Variants in SLC10A7 observed in about 807,000 individuals in gnomAD.
SLC10A7 encodes sodium/bile acid cotransporter 7.
A neutral mutation model predicts 43.2 loss-of-function variants in SLC10A7; 29 were observed. The ratio of observed to expected loss-of-function variants is 0.67; its 90% CI spans 0.50 to 0.92. The LOEUF (loss-of-function observed/expected upper bound fraction) is 0.92. Among genes scored for constraint, SLC10A7 ranks in the 40% least tolerant of loss-of-function variants. SLC10A7 has a pLI of 0.00. For synonymous variants in SLC10A7, 152 were observed against 144.8 expected, an observed-to-expected ratio of 1.05 and a Z score of -0.35; for missense variants, 295 against 403.2, an observed-to-expected ratio of 0.73 and a Z score of 2.30.
chr4:146,512,595 T>G (rs1737583771), intron 2 of SLC10A7, among the ~76,000 whole-genome samples: 1 of 152,168 alleles, frequency 6.6e-6, no homozygotes, highest in Non-Finnish European at 1.5e-5. Context: ...TCCCCTACTT[T>G]ATCAATAGGT....
At chr4:146,410,684 C>T (rs1020180659) in intron 5 of SLC10A7, among the ~76,000 whole-genome samples, 2 of 152,084 alleles carry the variant, frequency 1.3e-5, no homozygotes, top group African/African-American at 4.8e-5. Context: ...ATTCTGAAGC[C>T]CTTTGTCCTA....
intron 4 of SLC10A7, among the ~76,000 whole-genome samples, chr4:146,503,289 G>A (rs1405040334): frequency 6.6e-6 from 1 of 152,116 alleles, no homozygotes; most frequent in Non-Finnish European, 1.5e-5. Context: ...TTTCAACCAA[G>A]GAAGAACCCC....
At chr4:146,520,987 C>G (rs1006007295) in intron 1 of SLC10A7, among the ~76,000 whole-genome samples, 1 of 152,124 alleles carries the variant, frequency 6.6e-6, no homozygotes, top group South Asian at 2.1e-4. Context: ...TACACATAGT[C>G]TAACAGTCTG....
chr4:146,256,537 CAT>C lies in SLC10A7; in HGVS notation c.994-19_994-18del. On this transcript the variant is annotated intron_variant, in intron 11 of 11. Transcript: ENST00000335472. Reference sequence around the variant, plus strand: ...CTTCACTCCCTACAAGGAAGGAAAACATGTTCAGAGTTGGACAGTATCCATGA... The same window carrying C: ...CTTCACTCCCTACAAGGAAGGAAAACGTTCAGAGTTGGACAGTATCCATGA... The C allele has an allele frequency of 6.2e-7, 1 of 1,613,944 alleles. No individual in the cohort carries two copies. Among genetic ancestry groups the C allele is most frequent in the Non-Finnish European group, 8.5e-7 (1 of 1,179,862 alleles).
At chr4:146,257,291 A>G (rs1402548704) in intron 11 of SLC10A7, among the ~76,000 whole-genome samples, 1 of 152,240 alleles carries the variant, frequency 6.6e-6, no homozygotes, top group Non-Finnish European at 1.5e-5. Flanking sequence ...CAGAGCCTGG[A>G]GTGGTACCCA....
chr4:146,279,661 G>A (rs1156977442), intron 10 of SLC10A7, among the ~76,000 whole-genome samples: 1 of 152,118 alleles, frequency 6.6e-6, no homozygotes. Context: ...CTGTAGTATT[G>A]TTTTAGATGA....
chr4:146,296,100 T>C (rs1020794554), intron 7 of SLC10A7, among the ~76,000 whole-genome samples: 1 of 152,162 alleles, frequency 6.6e-6, no homozygotes, highest in African/African-American at 2.4e-5. Flanking sequence ...CCTCTGTGAA[T>C]ACCAAATCCA....
chr4:146,473,303 G>A (rs930084637), intron 4 of SLC10A7, among the ~76,000 whole-genome samples: 1 of 152,076 alleles, frequency 6.6e-6, no homozygotes, highest in Non-Finnish European at 1.5e-5. Flanking sequence ...AAAAAAGGCT[G>A]ACCCACTGAC....
intron 5 of SLC10A7, among the ~76,000 whole-genome samples, chr4:146,379,069 C>T (rs1420684897): frequency 6.6e-6 from 1 of 152,208 alleles, no homozygotes; most frequent in Non-Finnish European, 1.5e-5. Flanking sequence ...AACTTCTGAC[C>T]TCAATGTCCA....
intron 4 of SLC10A7, among the ~76,000 whole-genome samples, chr4:146,443,376 G>C (rs990464706): frequency 2.6e-5 from 4 of 152,068 alleles, no homozygotes; most frequent in East Asian, 1.9e-4. Context: ...AGCAAGAAAA[G>C]CTCCAATTTG....
chr4:146,438,226 C>A (rs1370313867), intron 5 of SLC10A7, among the ~76,000 whole-genome samples: 1 of 151,912 alleles, frequency 6.6e-6, no homozygotes, highest in African/African-American at 2.4e-5. Context: ...TATAAACTGG[C>A]TAGTTTTTCA....
chr4:146,307,353 G>C (rs964855444), intron 6 of SLC10A7, among the ~76,000 whole-genome samples: 1 of 152,100 alleles, frequency 6.6e-6, no homozygotes, highest in African/African-American at 2.4e-5. Context: ...AAAATGAAGA[G>C]AGACAAACAG....
intron 9 of SLC10A7, among the ~76,000 whole-genome samples, chr4:146,290,479 G>T (rs1042243719): frequency 6.6e-6 from 1 of 152,130 alleles, no homozygotes; most frequent in Non-Finnish European, 1.5e-5. Context: ...AGGGCGGGGA[G>T]GGGGTGCAGA....
intron 6 of SLC10A7, among the ~76,000 whole-genome samples, chr4:146,325,507 GA>G (rs926183326): frequency 5.5e-4 from 83 of 152,264 alleles, no homozygotes; most frequent in African/African-American, 2.0e-3. Context: ...TTCTACAGAT[GA>G]AAAAAATTGA....
At chr4:146,294,232 G>T in intron 7 of SLC10A7, 137 bp from the exon 8 acceptor site, 1 of 588,166 alleles carries the variant, frequency 1.7e-6, no homozygotes, top group East Asian at 3.0e-5. Context: ...GGATTTCAAA[G>T]CTTCCCTGCC....
At position 146,361,488 on chromosome 4, in the gene SLC10A7, A is replaced by C. The variant is rs927409654; in HGVS notation, c.436-35492T>G. On this transcript the variant is annotated intron_variant, in intron 5 of 11. Transcript: ENST00000335472. ...ACAAGTCTGCCAGGGTCATTTATCT[A>C]GAAGGCTGCAACAGTTGCAGTATTG... 3.3e-5 allele frequency among the ~76,000 whole-genome samples: 5 copies of C among 152,278 alleles called. No individual in the cohort carries two copies. The East Asian group carries it at 9.6e-4, about 29-fold the overall frequency.
chr4:146,508,410 C>T (rs1737127447), intron 3 of SLC10A7, among the ~76,000 whole-genome samples: 1 of 152,120 alleles, frequency 6.6e-6, no homozygotes, highest in South Asian at 2.1e-4. Context: ...CATTTTTGCT[C>T]TAAAATGATG....
rs1004752669 is a variant in SLC10A7 at position 146,513,142 on chromosome 4, GA to G, written c.184-3094del. 4.3e-3 allele frequency among the ~76,000 whole-genome samples: 618 copies of G among 143,564 alleles called. 4 individuals are homozygous for G. Among genetic ancestry groups the G allele is most frequent in the African/African-American group, 0.015 (576 of 39,198 alleles). 94.2% of individuals were successfully genotyped at this position (143,564 alleles called of 152,430 possible). ...AAAACTGGATAGTTGGTGGAAGAGT[GA>G]AAAAAAAAAGACTTATACATATCTT... On this transcript the variant is annotated intron_variant, in intron 2 of 11. Transcript: ENST00000335472.
chr4:146,513,415 T>C (rs1418008860), intron 2 of SLC10A7, among the ~76,000 whole-genome samples: 2 of 152,140 alleles, frequency 1.3e-5, no homozygotes, highest in East Asian at 3.8e-4. Context: ...ATAAAACATA[T>C]TTTTTAAAAA....
Sources: allele counts gnomAD v4.1 joint callset (sites outside exome capture counted in the v4.1 genomes callset), GRCh38; gene constraint gnomAD v4.1.1; transcripts MANE v1.5; gene names NCBI Gene and HGNC (gene_info 2026-07-23, HGNC 2026-07-21).